ITGAL: variants seen among roughly 807,000 people sequenced by gnomAD.
The protein encoded by ITGAL is integrin alpha-L.
In ITGAL, 68 loss-of-function variants were observed where a neutral mutation model predicts 138.4. That is an observed-to-expected ratio of 0.49 (90% CI 0.40 to 0.60). The LOEUF (loss-of-function observed/expected upper bound fraction) is 0.60, where lower values mean the gene tolerates loss of function less well. Among genes scored for constraint, ITGAL ranks in the 20% least tolerant of loss-of-function variants. The probability of loss-of-function intolerance (pLI) is 0.00; values close to 1 mark genes in which losing one functional copy is unlikely to be tolerated. For missense variants in ITGAL, 1,256 were observed against 1,478.6 expected, an observed-to-expected ratio of 0.85 and a Z score of 2.47; for synonymous variants, 561 against 584.3, an observed-to-expected ratio of 0.96 and a Z score of 0.57.
In ITGAL at chr16:30,510,914, A is replaced by T. The variant is rs1198470681; in HGVS notation, c.2653A>T (p.Asn885Tyr). The change falls in exon 23 of 31, where the codon AAC becomes TAC. Residue 885 changes from asparagine to tyrosine, a missense_variant. Physicochemically the swap from Asn to Tyr is moderately radical, Grantham distance 143. This residue lies in a region of ITGAL where 867 missense variants were observed against 972.5 expected (regional missense o/e 0.89). Transcript: ENST00000356798. ...ALQMMFNTLV[N>Y]SSWGDSVELH... ...GCAGATGATGTTTAATACACTGGTAAACAGCTCCTGGGGGGACTCGGTTGA... is the reference window on the plus strand; with the variant it reads ...GCAGATGATGTTTAATACACTGGTATACAGCTCCTGGGGGGACTCGGTTGA... The T allele has an allele frequency of 3.1e-6, 5 of 1,613,892 alleles. No homozygotes were observed. Among genetic ancestry groups the T allele is most frequent in the Non-Finnish European group, 4.2e-6 (5 of 1,180,000 alleles).
At chr16:30,495,817 C>T (rs1302034260) in intron 13 of ITGAL, among the ~76,000 whole-genome samples, 1 of 151,918 alleles carries the variant, frequency 6.6e-6, no homozygotes, top group African/African-American at 2.4e-5. Flanking sequence ...CCACTGCACT[C>T]CAGCCTGTGC....
intron 15 of ITGAL, among the ~76,000 whole-genome samples, chr16:30,497,806 G>A (rs2050824637): frequency 6.6e-6 from 1 of 150,924 alleles, no homozygotes; most frequent in African/African-American, 2.4e-5. Flanking sequence ...AATTGGCCAG[G>A]TATGGTGGTG....
intron 1 of ITGAL, among the ~76,000 whole-genome samples, chr16:30,473,538 C>A (rs558978402): frequency 3.3e-4 from 51 of 152,316 alleles, no homozygotes; most frequent in African/African-American, 1.2e-3. Context: ...AAGTCCTTTC[C>A]CCTTTCCAGC....
chr16:30,495,604 A>G (rs1288753747), intron 13 of ITGAL, among the ~76,000 whole-genome samples: 1 of 152,110 alleles, frequency 6.6e-6, no homozygotes, highest in Non-Finnish European at 1.5e-5. Context: ...CTGAGGCAAG[A>G]TGATTGCTTG....
chr16:30,488,265 G>A (rs1234500666), intron 9 of ITGAL, among the ~76,000 whole-genome samples: 1 of 152,018 alleles, frequency 6.6e-6, no homozygotes, highest in Non-Finnish European at 1.5e-5. Flanking sequence ...TGTTGGAGAT[G>A]AGATGGAGTA....
intron 24 of ITGAL, among the ~76,000 whole-genome samples, chr16:30,513,256 A>C (rs1260991334): frequency 6.6e-6 from 1 of 152,146 alleles, no homozygotes; most frequent in Non-Finnish European, 1.5e-5. Flanking sequence ...ATTGGGCAGG[A>C]TTAGCCAAGG....
rs375717960 is a variant in ITGAL at position 30,499,711 on chromosome 16, A to ATG, written c.2145+224_2145+225dup. Among the ~76,000 whole-genome samples the ATG allele has an allele frequency of 3.1e-4, 29 of 93,800 alleles. 1 individual carries two copies. The highest frequency in any genetic ancestry group is 2.2e-3 in the East Asian group (3 of 1,352). 61.5% of individuals were successfully genotyped at this position (93,800 alleles called of 152,430 possible). ...TGTATATATATGTGTATATATATAT[A>ATG]TGTATATATATATATATATATATTT... On this transcript the variant is annotated intron_variant, in intron 17 of 30. Coordinates refer to ENST00000356798, the MANE Select transcript of ITGAL (RefSeq NM_002209.3).
intron 1 of ITGAL, among the ~76,000 whole-genome samples, chr16:30,473,752 C>A (rs2050425800): frequency 6.6e-6 from 1 of 152,060 alleles, no homozygotes; most frequent in Admixed American, 6.5e-5. Context: ...GGGAGGCAGC[C>A]CCCCAGGGAT....
intron 22 of ITGAL, 105 bp from the exon 23 acceptor site, chr16:30,510,776 G>A: frequency 1.1e-6 from 1 of 916,576 alleles, no homozygotes. Flanking sequence ...GGGGTGCAGT[G>A]AGCACTTGAT....
Position 30,472,825 on chromosome 16 carries a change from G to C in ITGAL, c.-13G>C. On this transcript the variant is annotated 5_prime_UTR_variant, in exon 1 of 31. Coordinates refer to ENST00000356798, the MANE Select transcript of ITGAL (RefSeq NM_002209.3). The stretch of plus-strand genomic sequence containing the variant: ...CTGCCCCTGGGGCCACAGGTCCCTC[G>C]AGTGCTGGAAGGATGAAGGATTCCT... 2.5e-6 allele frequency: 4 copies of C among 1,611,908 alleles called. No individual in the cohort carries two copies. Among genetic ancestry groups the C allele is most frequent in the Non-Finnish European group, 3.4e-6 (4 of 1,179,408 alleles).
rs767738577 is a variant in ITGAL, at chr16:30,496,272, G to A, written c.1679G>A (p.Gly560Glu). 1 of 1,600,818 alleles carries A rather than the reference G, an allele frequency of 6.2e-7. No homozygotes were observed. The highest frequency in any genetic ancestry group is 2.2e-5 in the East Asian group (1 of 44,604). ...TACATCTTCAATGGGAGGCACGGGG[G>A]GCTTAGTCCCCAGCCAAGTCAGGTG... ...AVYIFNGRHG[G>E]LSPQPSQRIE... The change falls in exon 14 of 31, where the codon GGG becomes GAG. Residue 560 changes from glycine (G) to glutamate (E), a missense_variant. Physicochemically the swap from Gly to Glu is moderately conservative, Grantham distance 98. Transcript: ENST00000356798.
At chr16:30,487,610 C>T (rs1418974402) in intron 9 of ITGAL, among the ~76,000 whole-genome samples, 1 of 151,744 alleles carries the variant, frequency 6.6e-6, no homozygotes, top group African/African-American at 2.4e-5. Flanking sequence ...CGGGGTTTCA[C>T]CATATTGGCC....
intron 25 of ITGAL, among the ~76,000 whole-genome samples, chr16:30,516,673 G>C (rs142059597): frequency 3.3e-5 from 5 of 152,308 alleles, no homozygotes; most frequent in South Asian, 4.1e-4. Context: ...GAGCCCAGGA[G>C]GGGGAGCTGC....
Position 30,474,257 on chromosome 16 carries a change from C to G in ITGAL, c.123C>G (p.Ala41=). The change falls in exon 2 of 31, where the codon GCC becomes GCG. Residue 41 remains alanine, a synonymous_variant. Coordinates refer to ENST00000356798, the MANE Select transcript of ITGAL (RefSeq NM_002209.3). The stretch of plus-strand genomic sequence containing the variant: ...CGCGGAGCTTCTCCCCACCGCGCGC[C>G]GGGAGGCACTTTGGATACCGCGTCC... ...RGARSFSPPR[A]GRHFGYRVLQ... 1 of 1,609,104 alleles carries G rather than the reference C, an allele frequency of 6.2e-7. No individual in the cohort carries two copies.
In ITGAL at chr16:30,511,258, G is replaced by T. The variant is rs2051087692; in HGVS notation, c.2786+122G>T. ...CCTTCCTTTCTTAGAGCCCCTTGGGGTAATTAGAACTGATTCCAGCCACAA... is the reference window on the plus strand; with the variant it reads ...CCTTCCTTTCTTAGAGCCCCTTGGGTTAATTAGAACTGATTCCAGCCACAA... On this transcript the variant is annotated intron_variant, in intron 24 of 30. Transcript: ENST00000356798. 1.2e-5 allele frequency: 9 copies of T among 771,786 alleles called. No individual in the cohort carries two copies. In the South Asian group the frequency reaches 1.4e-4, roughly 12 times the overall value. 47.8% of individuals were successfully genotyped at this position (771,786 alleles called of 1,614,324 possible).
Position 30,494,648 on chromosome 16 carries a change from G to A in ITGAL, c.1366-65G>A. 2 of 1,535,726 alleles carry A rather than the reference G, an allele frequency of 1.3e-6. No individual in the cohort carries two copies. The highest frequency in any genetic ancestry group is 4.5e-5 in the East Asian group (2 of 43,984). On this transcript the variant is annotated intron_variant, in intron 12 of 30. Coordinates refer to ENST00000356798, the MANE Select transcript of ITGAL (RefSeq NM_002209.3). This position sits in a 1 kb window ranked among gnomAD's most constrained non-coding sequence, Gnocchi z 4.2. ...GTGGCACAAGATGAACACGGTACAG[G>A]TATCTCCCTGCCAACCCCTGCTGTT... is the stretch of plus-strand genomic sequence containing the variant.
At chr16:30,493,885 C>CT (rs1452165060) in intron 11 of ITGAL, among the ~76,000 whole-genome samples, 1 of 152,088 alleles carries the variant, frequency 6.6e-6, no homozygotes, top group Non-Finnish European at 1.5e-5. Context: ...GAGCGAGACT[C>CT]TGTCTCTAAA....
intron 11 of ITGAL, among the ~76,000 whole-genome samples, chr16:30,493,945 C>A (rs2050762126): frequency 6.6e-6 from 1 of 152,168 alleles, no homozygotes; most frequent in Non-Finnish European, 1.5e-5. Context: ...TAAACTGAGG[C>A]TCAGAAGAGG....
intron 11 of ITGAL, 69 bp downstream of exon 11, chr16:30,489,455 C>G (rs888298277): frequency 1.3e-5 from 20 of 1,526,348 alleles, no homozygotes; most frequent in African/African-American, 4.1e-5. Flanking sequence ...GCCTGGCTTC[C>G]AAAACAATAA....
Sources: allele counts gnomAD v4.1 joint callset (sites outside exome capture counted in the v4.1 genomes callset), GRCh38; gene constraint gnomAD v4.1.1; regional missense constraint gnomAD v4.1.1; non-coding constraint Gnocchi (gnomAD v3.1); transcripts MANE v1.5; gene names NCBI Gene and HGNC (gene_info 2026-07-23, HGNC 2026-07-21).